CAMSAP2: variants seen among roughly 807,000 people sequenced by gnomAD.
CAMSAP2 encodes calmodulin-regulated spectrin-associated protein 2.
A neutral mutation model predicts 146.1 loss-of-function variants in CAMSAP2; 26 were observed. The ratio of observed to expected loss-of-function variants is 0.18; its 90% confidence interval spans 0.13 to 0.25. The LOEUF is 0.25. CAMSAP2 is among the 10% of genes least tolerant of loss of function. The pLI is 1.00. For missense variants in CAMSAP2, 1,381 were observed against 1,759.3 expected, an observed-to-expected ratio of 0.78 and a Z score of 3.85; for synonymous variants, 499 against 596.6, an observed-to-expected ratio of 0.84 and a Z score of 2.38.
At chr1:200,769,572 T>G (rs986899699) in intron 2 of CAMSAP2, among the ~76,000 whole-genome samples, 3 of 152,162 alleles carry the variant, frequency 2.0e-5, no homozygotes, top group Admixed American at 6.6e-5. Context: ...CGGCTTCAAG[T>G]TGGGGTTCCC....
intron 6 of CAMSAP2, among the ~76,000 whole-genome samples, chr1:200,834,683 G>A (rs1349619670): frequency 6.6e-6 from 1 of 152,204 alleles, no homozygotes; most frequent in Non-Finnish European, 1.5e-5. Flanking sequence ...GGAGGACAAG[G>A]CAGGAGGATC....
At position 200,852,642 on chromosome 1, in the gene CAMSAP2, G is replaced by T; in HGVS notation, c.3567G>T (p.Leu1189Phe). Residue 1189 changes from leucine (L) to phenylalanine (F), a missense_variant, in exon 12 of 17, where the codon TTG becomes TTT. Transcript: ENST00000358823. ...EKETQLRKQQ[L>F]EAEMEHKKEE... is the part of the protein sequence containing the mutation. ...AAACTCAGCTCCGGAAACAACAGTT[G>T]GAAGCAGAAATGGAGCATAAGAAGG... is the stretch of plus-strand genomic sequence containing the variant. 6.2e-7 allele frequency: 1 copy of T among 1,613,760 alleles called. No homozygotes were observed. The highest frequency in any genetic ancestry group is 8.5e-7 in the Non-Finnish European group (1 of 1,179,900).
At chr1:200,817,190 A>ATAAG (rs756900623) in intron 4 of CAMSAP2, among the ~76,000 whole-genome samples, 3 of 77,380 alleles carry the variant, frequency 3.9e-5, no homozygotes, top group African/African-American at 2.2e-4. Flanking sequence ...ACACACACAC[A>ATAAG]TGTGTGTGTG....
At chr1:200,743,940 C>CAATAAATAAATAAATA (rs57009637) in intron 1 of CAMSAP2, among the ~76,000 whole-genome samples, 1 of 147,648 alleles carries the variant, frequency 6.8e-6, no homozygotes, top group Non-Finnish European at 1.5e-5. Context: ...GACTCTGTCT[C>CAATAAATAAATAAATA]AATAAATAAA....
chr1:200,849,887 A>G lies in CAMSAP2; in HGVS notation c.3118A>G (p.Lys1040Glu), dbSNP rs1667570447. 6.2e-7 allele frequency: 1 copy of G among 1,614,072 alleles called. No homozygotes were observed. The highest frequency in any genetic ancestry group is 1.7e-5 in the Admixed American group (1 of 60,006). ...GGAATCCAAACCTAAAGAGGAAGTT[A>G]AAAAGGAGGAATTGGAATCCAAAGG... ...LKESKPKEEV[K>E]KEELESKGTL... The change falls in exon 11 of 17, where the codon AAA becomes GAA. Residue 1040 changes from lysine to glutamate, a missense_variant. Physicochemically the swap from Lys to Glu is moderately conservative, Grantham distance 56. Transcript: ENST00000358823. The surrounding 1 kb of genome is among the most constrained non-coding windows in gnomAD (Gnocchi z 6.3).
At chr1:200,740,868 AG>A (rs1379318498) in intron 1 of CAMSAP2, among the ~76,000 whole-genome samples, 4 of 152,216 alleles carry the variant, frequency 2.6e-5, no homozygotes, top group Non-Finnish European at 5.9e-5. Context: ...TTTCATTGGA[AG>A]ATGCTTCTGT....
intron 3 of CAMSAP2, among the ~76,000 whole-genome samples, chr1:200,811,590 C>G (rs1226214954): frequency 3.3e-5 from 5 of 152,170 alleles, no homozygotes; most frequent in Admixed American, 1.3e-4. Flanking sequence ...TGGTTGCTCA[C>G]CAGTACCTCC....
At chr1:200,770,809 TA>T (rs1665095484) in intron 2 of CAMSAP2, among the ~76,000 whole-genome samples, 1 of 152,218 alleles carries the variant, frequency 6.6e-6, no homozygotes. Flanking sequence ...GGGCAGTTAT[TA>T]CCATCTCTTT....
At chr1:200,830,929 A>T (rs1267586610) in intron 4 of CAMSAP2, among the ~76,000 whole-genome samples, 1 of 152,218 alleles carries the variant, frequency 6.6e-6, no homozygotes, top group African/African-American at 2.4e-5. Flanking sequence ...CTCCTTCTTC[A>T]TTAATGCTGA....
At chr1:200,768,019 CT>C in intron 2 of CAMSAP2, among the ~76,000 whole-genome samples, 1 of 152,270 alleles carries the variant, frequency 6.6e-6, no homozygotes, top group South Asian at 2.1e-4. Context: ...CACAAAGACT[CT>C]TTTTAATAAA....
rs865807439 is a variant in CAMSAP2 at position 200,784,667 on chromosome 1, A to G, written c.400-22709A>G. Among the ~76,000 whole-genome samples the G allele has an allele frequency of 5.9e-5, 9 of 152,320 alleles. No individual in the cohort carries two copies. In the South Asian group the frequency reaches 6.2e-4, roughly 11 times the overall value. ...TTTTGTGGATTTGTCAGAACTTTCAACGTAAACAATCATGTTGTCTGTGAA... is the reference window on the plus strand; with the variant it reads ...TTTTGTGGATTTGTCAGAACTTTCAGCGTAAACAATCATGTTGTCTGTGAA... On this transcript the variant is annotated intron_variant, in intron 2 of 16. Coordinates refer to ENST00000358823, the MANE Select transcript of CAMSAP2 (RefSeq NM_203459.4).
intron 1 of CAMSAP2, 58 bp downstream of exon 1, chr1:200,740,024 T>C: frequency 6.3e-7 from 1 of 1,586,944 alleles, no homozygotes. Context: ...ACATCTCGGT[T>C]TTTGTTCCCG....
intron 2 of CAMSAP2, among the ~76,000 whole-genome samples, chr1:200,783,334 T>C (rs915841249): frequency 6.6e-5 from 10 of 152,228 alleles, no homozygotes; most frequent in Non-Finnish European, 1.3e-4. Context: ...TCATACATCT[T>C]TTATGAAATG....
At chr1:200,801,990 A>G (rs1280128350) in intron 2 of CAMSAP2, among the ~76,000 whole-genome samples, 4 of 152,208 alleles carry the variant, frequency 2.6e-5, no homozygotes, top group African/African-American at 4.8e-5. Context: ...TAGTAATACT[A>G]TGGTGGCAAT....
chr1:200,740,938 T>C (rs1033535646), intron 1 of CAMSAP2, among the ~76,000 whole-genome samples: 2 of 152,244 alleles, frequency 1.3e-5, no homozygotes, highest in Non-Finnish European at 2.9e-5. Context: ...TAATGAAGTT[T>C]AGATATATGA....
chr1:200,811,606 A>T (rs1195172323), intron 3 of CAMSAP2, among the ~76,000 whole-genome samples: 1 of 152,076 alleles, frequency 6.6e-6, no homozygotes, highest in Non-Finnish European at 1.5e-5. Context: ...CCTCCAACAG[A>T]TGCTTTATAT....
rs1300589685 is a variant in CAMSAP2 at position 200,859,927 on chromosome 1, T to C, written c.*1868T>C. The C allele has an allele frequency of 2.0e-5, 3 of 152,514 alleles. No homozygotes were observed. Among genetic ancestry groups the C allele is most frequent in the Non-Finnish European group, 2.9e-5 (2 of 67,964 alleles). The allele number at this position is 152,514 out of a possible 1,614,324, so 9.4% of individuals were successfully genotyped here. ...AAGCATTTTACGTTACTAAATTTGT[T>C]CATTTCAATATTAACTAAATTTCCC... is the stretch of plus-strand genomic sequence containing the variant. On this transcript the variant is annotated 3_prime_UTR_variant, in exon 17 of 17. Coordinates refer to ENST00000358823, the MANE Select transcript of CAMSAP2 (RefSeq NM_203459.4).
intron 4 of CAMSAP2, among the ~76,000 whole-genome samples, chr1:200,820,908 C>T (rs1666743525): frequency 6.6e-6 from 1 of 151,982 alleles, no homozygotes; most frequent in Non-Finnish European, 1.5e-5. Flanking sequence ...ATTTAGAAAA[C>T]GGTAATTTTT....
At chr1:200,816,916 ATGTG>A (rs1168770660) in intron 4 of CAMSAP2, among the ~76,000 whole-genome samples, 2 of 77,604 alleles carry the variant, frequency 2.6e-5, no homozygotes, top group Non-Finnish European at 5.0e-5. Context: ...ACGCGTGTGT[ATGTG>A]TGTACACACA....
Sources: gnomAD v4.1 joint callset for allele counts (sites outside exome capture counted in the v4.1 genomes callset) on GRCh38, gnomAD v4.1.1 for gene constraint, Gnocchi (gnomAD v3.1) non-coding constraint, MANE v1.5 for transcripts, NCBI Gene and HGNC (gene_info 2026-07-23, HGNC 2026-07-21) for gene names.